Variants in FBXO22 observed in about 807,000 individuals in gnomAD.
FBXO22 encodes the protein F-box only protein 22.
Under a neutral mutation model 37.2 loss-of-function variants are expected in FBXO22, and 13 were observed. The ratio of observed to expected loss-of-function variants is 0.35; its 90% CI spans 0.23 to 0.56. FBXO22 has a LOEUF of 0.56. FBXO22 is among the 20% of genes least tolerant of loss of function. The pLI is 0.87. For synonymous variants in FBXO22, 189 were observed against 189.1 expected, an observed-to-expected ratio of 1.00 and a Z score of 0.00; for missense variants, 446 against 509.9, an observed-to-expected ratio of 0.87 and a Z score of 1.21.
At chr15:75,907,843 T>C (rs1000700686) in intron 2 of FBXO22, among the ~76,000 whole-genome samples, 5 of 152,120 alleles carry the variant, frequency 3.3e-5, no homozygotes, top group Non-Finnish European at 1.5e-5. Flanking sequence ...CTTGGGTAGC[T>C]GAGGTACCAG....
intron 2 of FBXO22, among the ~76,000 whole-genome samples, chr15:75,909,193 A>C (rs923827316): frequency 3.3e-5 from 5 of 152,216 alleles, no homozygotes; most frequent in Non-Finnish European, 2.9e-5. Context: ...AGCCCAGCTC[A>C]TAGGGGAGAT....
chr15:75,919,178 G>C (rs1027520356), intron 5 of FBXO22, among the ~76,000 whole-genome samples: 2 of 152,024 alleles, frequency 1.3e-5, no homozygotes, highest in African/African-American at 4.8e-5. Flanking sequence ...TACCATGTTA[G>C]CCAGGGTGGT....
At chr15:75,920,694 G>A (rs1458350708) in intron 5 of FBXO22, among the ~76,000 whole-genome samples, 2 of 151,960 alleles carry the variant, frequency 1.3e-5, no homozygotes, top group Non-Finnish European at 2.9e-5. Flanking sequence ...ATGGTGGCAC[G>A]CACCTGTAGT....
intron 2 of FBXO22, among the ~76,000 whole-genome samples, chr15:75,907,965 A>C (rs1166839305): frequency 6.6e-6 from 1 of 152,052 alleles, no homozygotes; most frequent in Admixed American, 6.6e-5. Context: ...ATTTTTTTAA[A>C]GTCCACCAAA....
intron 2 of FBXO22, among the ~76,000 whole-genome samples, chr15:75,908,382 C>T: frequency 6.6e-6 from 1 of 151,658 alleles, no homozygotes; most frequent in East Asian, 1.9e-4. Flanking sequence ...AAGTGATTGT[C>T]CTGCCTCAGC....
chr15:75,935,773 A>G lies in FBXO22; in HGVS notation c.*2671A>G, dbSNP rs1049105704. The G allele has an allele frequency of 5.9e-5, 9 of 152,066 alleles. No individual in the cohort carries two copies. Among genetic ancestry groups the G allele is most frequent in the Admixed American group, 5.9e-4 (9 of 15,258 alleles). 9.4% of individuals were successfully genotyped at this position (152,066 alleles called of 1,614,324 possible). A position where few individuals can be genotyped will look rare whatever the true frequency, so the allele number is the denominator to read the frequency against. On this transcript the variant is annotated 3_prime_UTR_variant, in exon 7 of 7. Coordinates refer to ENST00000308275, the MANE Select transcript of FBXO22 (RefSeq NM_147188.3). ...ATGCAAAGAATTACAATAGAAATAAACTTTTACAAATCTGAGAACTTTCTT... is the reference window on the plus strand; with the variant it reads ...ATGCAAAGAATTACAATAGAAATAAGCTTTTACAAATCTGAGAACTTTCTT...
At chr15:75,920,320 A>G (rs1900289132) in intron 5 of FBXO22, among the ~76,000 whole-genome samples, 1 of 152,198 alleles carries the variant, frequency 6.6e-6, no homozygotes, top group African/African-American at 2.4e-5. Context: ...TTTGAGAACC[A>G]TTTTGTGTGT....
In FBXO22 at chr15:75,933,063, A is replaced by G; in HGVS notation, c.1173A>G (p.Thr391=). The G allele has an allele frequency of 6.2e-6, 10 of 1,613,964 alleles. No individual in the cohort carries two copies. The highest frequency in any genetic ancestry group is 8.5e-6 in the Non-Finnish European group (10 of 1,179,906). The change falls in exon 7 of 7, where the codon ACA becomes ACG. Residue 391 remains threonine, a synonymous_variant. Coordinates refer to ENST00000308275, the MANE Select transcript of FBXO22 (RefSeq NM_147188.3). Reference sequence around the variant, plus strand: ...ATGATGATCTGTTTCATAGCTATACAACAATAATGGCACTCATACATCTGG... The same window carrying G: ...ATGATGATCTGTTTCATAGCTATACGACAATAATGGCACTCATACATCTGG... ...VKDDDLFHSY[T]TIMALIHLGS... is the part of the protein sequence containing the mutation.
In FBXO22 at chr15:75,932,645, A is replaced by G. The variant is rs188325115; in HGVS notation, c.795-40A>G. ...TTTTGCTTCTATACTTAAAAATTTT[A>G]ATGTTTCATGAGATATTGCCACTTT... On this transcript the variant is annotated intron_variant, in intron 6 of 6. Coordinates refer to ENST00000308275, the MANE Select transcript of FBXO22 (RefSeq NM_147188.3). 11 of 1,524,524 alleles carry G rather than the reference A, an allele frequency of 7.2e-6. No homozygotes were observed. In the African/African-American group the frequency reaches 9.7e-5, roughly 13 times the overall value. 94.4% of individuals were successfully genotyped at this position (1,524,524 alleles called of 1,614,324 possible). A position where few individuals can be genotyped will look rare whatever the true frequency, so the allele number is the denominator to read the frequency against.
rs2030148449 is a variant in FBXO22 at position 75,933,660 on chromosome 15, A to G, written c.*558A>G. The G allele has an allele frequency of 5.3e-6, 1 of 190,024 alleles. No homozygotes were observed. Among genetic ancestry groups the G allele is most frequent in the East Asian group, 1.7e-4 (1 of 5,758 alleles). 11.8% of individuals were successfully genotyped at this position (190,024 alleles called of 1,614,324 possible). A position where few individuals can be genotyped will look rare whatever the true frequency, so the allele number is the denominator to read the frequency against. ...AAAGAACTATTTTTGTTTTGGTCAGATAAATTGACAAGACTAATCAGTATT... is the reference window on the plus strand; with the variant it reads ...AAAGAACTATTTTTGTTTTGGTCAGGTAAATTGACAAGACTAATCAGTATT... On this transcript the variant is annotated 3_prime_UTR_variant, in exon 7 of 7. Transcript: ENST00000308275.
At chr15:75,909,217 G>A (rs973251277) in intron 2 of FBXO22, among the ~76,000 whole-genome samples, 38 of 152,346 alleles carry the variant, frequency 2.5e-4, no homozygotes, top group African/African-American at 7.0e-4. Flanking sequence ...GGACAAATAA[G>A]ATTAACTAGG....
At chr15:75,922,479 T>C (rs1240687373) in intron 5 of FBXO22, among the ~76,000 whole-genome samples, 3 of 152,142 alleles carry the variant, frequency 2.0e-5, no homozygotes, top group Non-Finnish European at 4.4e-5. Flanking sequence ...ATGAGAGATA[T>C]GGATGAGTAA....
At position 75,930,066 on chromosome 15, in the gene FBXO22, T is replaced by C. The variant is rs2029959820; in HGVS notation, c.794+17T>C. On this transcript the variant is annotated intron_variant, in intron 6 of 6. Transcript: ENST00000308275. ...TTCTGAAAAGTATGTCTTGTGTGCT[T>C]CTGATTTCGTCTGTGAATGAAGGGA... is the stretch of plus-strand genomic sequence containing the variant. The C allele has an allele frequency of 6.2e-7, 1 of 1,613,758 alleles. No individual in the cohort carries two copies. Among genetic ancestry groups the C allele is most frequent in the Admixed American group, 1.7e-5 (1 of 60,012 alleles).
intron 2 of FBXO22, among the ~76,000 whole-genome samples, chr15:75,909,176 C>T (rs574775705): frequency 1.3e-5 from 2 of 152,268 alleles, no homozygotes; most frequent in South Asian, 4.1e-4. Flanking sequence ...ACAGGTGAGT[C>T]TGAATAAGCC....
intron 4 of FBXO22, among the ~76,000 whole-genome samples, chr15:75,915,311 A>C (rs868691209): frequency 1.3e-5 from 2 of 152,142 alleles, no homozygotes; most frequent in African/African-American, 4.8e-5. Flanking sequence ...TACTCTACTG[A>C]GAATTGTCAT....
Position 75,941,562 on chromosome 15 carries a change from T to C in FBXO22, c.*8460T>C, listed in dbSNP as rs760882828. 2.0e-5 allele frequency: 3 copies of C among 152,200 alleles called. No individual in the cohort carries two copies. Among genetic ancestry groups the C allele is most frequent in the East Asian group, 3.8e-4 (2 of 5,206 alleles). 9.4% of individuals were successfully genotyped at this position (152,200 alleles called of 1,614,324 possible). A position where few individuals can be genotyped will look rare whatever the true frequency, so the allele number is the denominator to read the frequency against. On this transcript the variant is annotated 3_prime_UTR_variant, in exon 7 of 7. Coordinates refer to ENST00000308275, the MANE Select transcript of FBXO22 (RefSeq NM_147188.3). ...ATGAATGGATAGACAAAATGTGTTA[T>C]ATCCATACAATGGAATATTATTCAG...
intron 5 of FBXO22, among the ~76,000 whole-genome samples, chr15:75,917,989 G>C (rs1245745784): frequency 2.0e-5 from 3 of 152,166 alleles, no homozygotes; most frequent in Non-Finnish European, 4.4e-5. Flanking sequence ...GTCTAAGCTT[G>C]GATGGGAAAG....
chr15:75,912,819 T>C (rs1900091324), intron 2 of FBXO22, among the ~76,000 whole-genome samples: 1 of 152,214 alleles, frequency 6.6e-6, no homozygotes, highest in African/African-American at 2.4e-5. Context: ...TTTGAATTTG[T>C]TTGCTCTTGC....
At chr15:75,904,743 A>G in intron 2 of FBXO22, 114 bp downstream of exon 2, 7 of 1,117,010 alleles carry the variant, frequency 6.3e-6, no homozygotes, top group Non-Finnish European at 7.4e-6. Context: ...TCGTTCCGTG[A>G]AAAGATTTTG....
Sources: allele counts gnomAD v4.1 joint callset (sites outside exome capture counted in the v4.1 genomes callset), GRCh38; gene constraint gnomAD v4.1.1; transcripts MANE v1.5; gene names NCBI Gene and HGNC (gene_info 2026-07-23, HGNC 2026-07-21).